The following SUSD4 variants were observed in gnomAD, a reference collection of about 807,000 sequenced individuals.
The protein encoded by SUSD4 is sushi domain-containing protein 4.
Under a neutral mutation model 50.5 loss-of-function variants are expected in SUSD4, and 41 were observed. That is an observed-to-expected ratio of 0.81 (90% CI 0.63 to 1.05). The LOEUF (loss-of-function observed/expected upper bound fraction) is 1.05, where lower values mean the gene tolerates loss of function less well. Ranked by LOEUF, SUSD4 falls within the 50% of genes least tolerant of loss-of-function variation. The pLI, the probability that SUSD4 is intolerant of heterozygous loss-of-function variation, is 0.00. For synonymous variants in SUSD4, 257 were observed against 257.3 expected, an observed-to-expected ratio of 1.00 and a Z score of 0.01; for missense variants, 580 against 634.7, an observed-to-expected ratio of 0.91 and a Z score of 0.93.
chr1:223,342,181 A>G (rs1441059974), intron 2 of SUSD4, among the ~76,000 whole-genome samples: 2 of 152,190 alleles, frequency 1.3e-5, no homozygotes, highest in Non-Finnish European at 2.9e-5. Flanking sequence ...AAGGGCCCTC[A>G]GTGTCCTACT....
intron 3 of SUSD4, among the ~76,000 whole-genome samples, chr1:223,278,791 A>G (rs558347992): frequency 4.3e-4 from 65 of 152,344 alleles, no homozygotes; most frequent in African/African-American, 1.5e-3. Context: ...CTGACCCCCA[A>G]GTAGCCTAAC....
intron 4 of SUSD4, 76 bp downstream of exon 4, chr1:223,268,426 A>G: frequency 6.6e-7 from 1 of 1,505,134 alleles, no homozygotes; most frequent in Non-Finnish European, 8.9e-7. Flanking sequence ...ACTTTATTAG[A>G]TAAACATGTA....
intron 4 of SUSD4, 90 bp from the exon 5 acceptor site, chr1:223,264,908 TC>T: frequency 7.4e-7 from 1 of 1,343,590 alleles, no homozygotes; most frequent in Non-Finnish European, 1.0e-6. Context: ...TTTTTAGGAT[TC>T]CCCCACCTCT....
intron 2 of SUSD4, among the ~76,000 whole-genome samples, chr1:223,295,449 T>C (rs887426427): frequency 6.6e-6 from 1 of 152,042 alleles, no homozygotes; most frequent in Non-Finnish European, 1.5e-5. Flanking sequence ...GTGGGGCACA[T>C]GTATCAGTCA....
At chr1:223,241,271 T>C (rs1660563757) in intron 5 of SUSD4, among the ~76,000 whole-genome samples, 1 of 152,208 alleles carries the variant, frequency 6.6e-6, no homozygotes, top group Non-Finnish European at 1.5e-5. Flanking sequence ...GAAAAATGTT[T>C]CCTGTGAGAA....
At chr1:223,304,717 T>C (rs981964418) in intron 2 of SUSD4, among the ~76,000 whole-genome samples, 4 of 146,846 alleles carry the variant, frequency 2.7e-5, no homozygotes, top group Admixed American at 6.8e-5. Flanking sequence ...GAATGTATAC[T>C]TTGAATCCCG....
intron 2 of SUSD4, among the ~76,000 whole-genome samples, chr1:223,300,347 G>A (rs1052285577): frequency 1.3e-5 from 2 of 152,180 alleles, no homozygotes; most frequent in African/African-American, 4.8e-5. Context: ...GAGTAACAGG[G>A]ATTGAGAGTG....
At chr1:223,297,922 G>T (rs28561511) in intron 2 of SUSD4, among the ~76,000 whole-genome samples, 1 of 151,796 alleles carries the variant, frequency 6.6e-6, no homozygotes, top group African/African-American at 2.4e-5. Flanking sequence ...GGATGGACAG[G>T]TGGATGAATG....
In SUSD4 at chr1:223,229,149, G is replaced by C. The variant is rs758762035; in HGVS notation, c.916+48C>G. On this transcript the variant is annotated intron_variant, in intron 6 of 8. Transcript: ENST00000366878. This position sits in a 1 kb window ranked among gnomAD's most constrained non-coding sequence, Gnocchi z 4.7. ...TAACCACCACCCACTATGTGCAGAT[G>C]GTCCAAGGAGGGTCCATCTCCTCCA... 1 of 1,534,952 alleles carries C rather than the reference G, an allele frequency of 6.5e-7. No individual in the cohort carries two copies. The highest frequency in any genetic ancestry group is 8.9e-7 in the Non-Finnish European group (1 of 1,125,382).
intron 4 of SUSD4, among the ~76,000 whole-genome samples, chr1:223,267,278 TA>T (rs1662557020): frequency 1.3e-5 from 2 of 152,128 alleles, no homozygotes; most frequent in South Asian, 4.2e-4. Flanking sequence ...ATCTTGTATT[TA>T]AGTGACAGAA....
intron 3 of SUSD4, chr1:223,289,054 C>T: frequency 4.1e-6 from 4 of 971,398 alleles, no homozygotes; most frequent in Non-Finnish European, 4.9e-6. Context: ...GTAGACATAA[C>T]TGAGTTGGTT....
intron 5 of SUSD4, among the ~76,000 whole-genome samples, chr1:223,259,200 C>T (rs1426783237): frequency 6.6e-6 from 1 of 152,166 alleles, no homozygotes; most frequent in Non-Finnish European, 1.5e-5. Flanking sequence ...AACCATACAC[C>T]TCAGAGGCAC....
At chr1:223,360,456 A>G in intron 2 of SUSD4, 1 of 251,442 alleles carries the variant, frequency 4.0e-6, no homozygotes, top group Non-Finnish European at 8.6e-6. Context: ...ACTCTTCCTT[A>G]ACGACAAAAG....
At chr1:223,274,465 A>C (rs1663126786) in intron 3 of SUSD4, among the ~76,000 whole-genome samples, 1 of 152,154 alleles carries the variant, frequency 6.6e-6, no homozygotes, top group Non-Finnish European at 1.5e-5. Flanking sequence ...AAGAACTAGA[A>C]CCAGACACTT....
At chr1:223,316,219 G>T (rs1019300900) in intron 2 of SUSD4, among the ~76,000 whole-genome samples, 1 of 152,152 alleles carries the variant, frequency 6.6e-6, no homozygotes. Context: ...GTAGGGGCAT[G>T]GGGATGGAGA....
intron 2 of SUSD4, among the ~76,000 whole-genome samples, chr1:223,331,156 A>G (rs907892580): frequency 6.6e-6 from 1 of 152,214 alleles, no homozygotes; most frequent in African/African-American, 2.4e-5. Context: ...ATACTTTAAC[A>G]GCAGATTCCT....
intron 2 of SUSD4, among the ~76,000 whole-genome samples, chr1:223,309,248 A>G (rs1665729259): frequency 6.6e-6 from 1 of 152,206 alleles, no homozygotes; most frequent in African/African-American, 2.4e-5. Context: ...TATCTTGGAG[A>G]TATCTGCACA....
chr1:223,263,002 C>G (rs1028891703), intron 5 of SUSD4, among the ~76,000 whole-genome samples: 1 of 152,192 alleles, frequency 6.6e-6, no homozygotes, highest in Non-Finnish European at 1.5e-5. Context: ...CAATCATATT[C>G]TCTAGTCTCC....
intron 5 of SUSD4, among the ~76,000 whole-genome samples, chr1:223,238,367 T>G (rs937453126): frequency 1.3e-5 from 2 of 152,018 alleles, no homozygotes; most frequent in Admixed American, 1.3e-4. Context: ...TAATTCTTAT[T>G]TCTTTTCTTC....
Sources: allele counts gnomAD v4.1 joint callset (sites outside exome capture counted in the v4.1 genomes callset), GRCh38; gene constraint gnomAD v4.1.1; non-coding constraint Gnocchi (gnomAD v3.1); transcripts MANE v1.5; gene names NCBI Gene and HGNC (gene_info 2026-07-23, HGNC 2026-07-21).